The following THADA variants were observed in gnomAD, a reference collection of about 807,000 sequenced individuals.
THADA encodes THADA armadillo repeat containing.
THADA carries 213 observed loss-of-function variants against 219.8 expected under a neutral mutation model. That is an observed-to-expected ratio of 0.97 (90% confidence interval 0.87 to 1.09). The LOEUF (loss-of-function observed/expected upper bound fraction) is 1.09, where lower values mean the gene tolerates loss of function less well. THADA is among the 50% of genes least tolerant of loss of function. The pLI, the probability that THADA is intolerant of heterozygous loss-of-function variation, is 0.00. For synonymous variants in THADA, 1,018 were observed against 828.9 expected (o/e 1.23, Z -3.92); for missense variants, 2,956 against 2,311.3 (o/e 1.28, Z -5.72).
intron 22 of THADA, among the ~76,000 whole-genome samples, chr2:43,516,960 T>C (rs55840116): frequency 0.016 from 2,439 of 152,228 alleles, 25 homozygotes; most frequent in Non-Finnish European, 0.023. Context: ...TACCAGAGAA[T>C]ACAATTTTTA....
intron 36 of THADA, among the ~76,000 whole-genome samples, chr2:43,254,597 G>A (rs927345619): frequency 2.6e-5 from 4 of 151,982 alleles, no homozygotes; most frequent in African/African-American, 9.7e-5. Flanking sequence ...CTCATACTCT[G>A]CCACCCATGT....
chr2:43,413,167 T>C (rs916362524), intron 28 of THADA, among the ~76,000 whole-genome samples: 10 of 152,196 alleles, frequency 6.6e-5, no homozygotes, highest in African/African-American at 1.7e-4. Context: ...AGCTATGTCA[T>C]AGGGCTATTT....
intron 26 of THADA, among the ~76,000 whole-genome samples, chr2:43,478,551 T>A (rs1278397625): frequency 6.6e-6 from 1 of 152,166 alleles, no homozygotes; most frequent in African/African-American, 2.4e-5. Flanking sequence ...AAATGTAAGC[T>A]ACAAAAATAC....
chr2:43,538,439 A>T (rs1694886054), intron 21 of THADA: 1 of 152,202 alleles, frequency 6.6e-6, no homozygotes, highest in Non-Finnish European at 1.5e-5. Flanking sequence ...CTCTGAATGA[A>T]CACATTTTCC....
At chr2:43,518,969 C>A (rs1030900117) in intron 22 of THADA, among the ~76,000 whole-genome samples, 4 of 151,958 alleles carry the variant, frequency 2.6e-5, no homozygotes, top group Non-Finnish European at 5.9e-5. Context: ...AGGCAGCCTC[C>A]CAAAACTACC....
intron 31 of THADA, among the ~76,000 whole-genome samples, chr2:43,302,018 G>C (rs1326892062): frequency 1.3e-5 from 2 of 151,544 alleles, no homozygotes; most frequent in African/African-American, 2.4e-5. Flanking sequence ...TTAGCAGACT[G>C]TAATTTTTAA....
At chr2:43,331,987 T>C (rs969929396) in intron 30 of THADA, among the ~76,000 whole-genome samples, 1 of 149,176 alleles carries the variant, frequency 6.7e-6, no homozygotes, top group Non-Finnish European at 1.5e-5. Context: ...TAAGATACCT[T>C]TTGTGTACTT....
At chr2:43,277,273 G>A (rs1310712057) in intron 36 of THADA, 1 of 152,532 alleles carries the variant, frequency 6.6e-6, no homozygotes, top group Non-Finnish European at 1.5e-5. Flanking sequence ...CCACAAGCAA[G>A]TGCCCCTGCC....
In THADA at chr2:43,232,755, T is replaced by A. The variant is rs766855122; in HGVS notation, c.5424A>T (p.Gly1808=). Residue 1808 remains glycine (G), a synonymous_variant, in exon 37 of 38, where the codon GGA becomes GGT. Transcript: ENST00000405975. ...GLPILLGWLL[G]ESDDLVACVE... Reference sequence around the variant, plus strand: ...CACAGGCCACGAGGTCATCACTCTCTCCCAACAGCCATCCCAGCAGGATGG... The same window carrying A: ...CACAGGCCACGAGGTCATCACTCTCACCCAACAGCCATCCCAGCAGGATGG... 1.1e-5 allele frequency: 17 copies of A among 1,613,812 alleles called. No homozygotes were observed. Among genetic ancestry groups the A allele is most frequent in the Non-Finnish European group, 1.3e-5 (15 of 1,179,832 alleles).
chr2:43,414,388 C>T (rs772174777), intron 28 of THADA, among the ~76,000 whole-genome samples: 2 of 152,180 alleles, frequency 1.3e-5, no homozygotes, highest in Non-Finnish European at 2.9e-5. Flanking sequence ...ATACTCACGT[C>T]TTCACAGAGA....
At chr2:43,387,529 C>T (rs1435214480) in intron 29 of THADA, among the ~76,000 whole-genome samples, 1 of 150,770 alleles carries the variant, frequency 6.6e-6, no homozygotes. Flanking sequence ...CTGCCCGGGT[C>T]AGGAATGGTT....
At chr2:43,387,698 G>C (rs1335784036) in intron 29 of THADA, among the ~76,000 whole-genome samples, 3 of 152,138 alleles carry the variant, frequency 2.0e-5, no homozygotes, top group Admixed American at 1.3e-4. Flanking sequence ...GAAATGTCTA[G>C]AGACATTTTT....
chr2:43,382,698 C>T (rs1049209071), intron 29 of THADA, among the ~76,000 whole-genome samples: 1 of 152,174 alleles, frequency 6.6e-6, no homozygotes, highest in Non-Finnish European at 1.5e-5. Context: ...GATACTGCTT[C>T]TAACTGCTGC....
At chr2:43,397,853 A>AT (rs1449133104) in intron 29 of THADA, 118 bp downstream of exon 29, 9 of 1,049,606 alleles carry the variant, frequency 8.6e-6, no homozygotes, top group Non-Finnish European at 1.2e-5. Context: ...GAAAAAAAAA[A>AT]GTTCTACAGA....
intron 26 of THADA, chr2:43,484,531 A>T (rs1488856322): frequency 5.9e-6 from 1 of 169,112 alleles, no homozygotes; most frequent in Non-Finnish European, 1.5e-5. Context: ...CAATTAGATT[A>T]CCATTAAATC....
intron 26 of THADA, among the ~76,000 whole-genome samples, chr2:43,462,282 C>CCAGTTTCA (rs1456551619): frequency 1.3e-5 from 2 of 152,114 alleles, no homozygotes; most frequent in Non-Finnish European, 2.9e-5. Flanking sequence ...AAGATTCCTG[C>CCAGTTTCA]CAGTGTCACA....
chr2:43,588,621 G>A (rs1254705284), intron 4 of THADA, among the ~76,000 whole-genome samples: 1 of 151,922 alleles, frequency 6.6e-6, no homozygotes, highest in Non-Finnish European at 1.5e-5. Context: ...TAGTAATCTG[G>A]GATACACAAA....
At chr2:43,587,577 C>T (rs1294547367) in intron 4 of THADA, among the ~76,000 whole-genome samples, 3 of 152,178 alleles carry the variant, frequency 2.0e-5, no homozygotes, top group Non-Finnish European at 4.4e-5. Context: ...TGCCTCATCC[C>T]TTTCAGGTCA....
At chr2:43,522,304 C>T (rs1366716358) in intron 22 of THADA, among the ~76,000 whole-genome samples, 1 of 152,174 alleles carries the variant, frequency 6.6e-6, no homozygotes, top group Non-Finnish European at 1.5e-5. Context: ...ACCTCCCTCA[C>T]CACTATCATA....
Sources: allele counts gnomAD v4.1 joint callset (sites outside exome capture counted in the v4.1 genomes callset), GRCh38; gene constraint gnomAD v4.1.1; transcripts MANE v1.5; gene names NCBI Gene and HGNC (gene_info 2026-07-23, HGNC 2026-07-21).